The following SAXO1 variants were observed in gnomAD, a reference collection of about 807,000 sequenced individuals.
SAXO1 encodes the protein stabilizer of axonemal microtubules 1, also known as 4930500O09Rik.
In SAXO1, 21 loss-of-function variants were observed where a neutral mutation model predicts 17.5. The observed-to-expected ratio is 1.20, with a 90% CI of 0.85 to 1.72. The LOEUF (loss-of-function observed/expected upper bound fraction) is 1.72. SAXO1 is among the 40% of genes most tolerant of loss of function. The pLI is 0.00. For synonymous variants in SAXO1, 274 were observed against 216.5 expected, an observed-to-expected ratio of 1.27 and a Z score of -2.33; for missense variants, 843 against 596.0, an observed-to-expected ratio of 1.41 and a Z score of -4.32.
intron 3 of SAXO1, among the ~76,000 whole-genome samples, chr9:18,936,246 A>G (rs1831283437): frequency 6.6e-6 from 1 of 152,168 alleles, no homozygotes; most frequent in African/African-American, 2.4e-5. Flanking sequence ...CTTCATTTTA[A>G]TTGAAAATCT....
intron 1 of SAXO1, among the ~76,000 whole-genome samples, chr9:18,986,969 G>A (rs977067475): frequency 7.9e-5 from 12 of 152,200 alleles, no homozygotes; most frequent in African/African-American, 2.9e-4. Flanking sequence ...TGGGCTAGCT[G>A]TGTCCCAGAT....
At chr9:18,996,650 G>A (rs545898562) in intron 1 of SAXO1, among the ~76,000 whole-genome samples, 5 of 151,626 alleles carry the variant, frequency 3.3e-5, no homozygotes, top group South Asian at 2.1e-4. Flanking sequence ...ATCCTTTCTC[G>A]ACAAAAAAAA....
intron 1 of SAXO1, among the ~76,000 whole-genome samples, chr9:18,979,523 G>A (rs1833284566): frequency 6.6e-6 from 1 of 152,238 alleles, no homozygotes; most frequent in Admixed American, 6.5e-5. Flanking sequence ...TGGTGGGACA[G>A]TCCAGAGCCT....
chr9:18,943,153 G>C (rs1831643601), intron 2 of SAXO1, among the ~76,000 whole-genome samples: 1 of 152,234 alleles, frequency 6.6e-6, no homozygotes, highest in African/African-American at 2.4e-5. Flanking sequence ...ATGCTTAGTG[G>C]GATGGGAGAA....
At chr9:19,017,983 C>T (rs1385536035) in intron 1 of SAXO1, among the ~76,000 whole-genome samples, 2 of 152,078 alleles carry the variant, frequency 1.3e-5, no homozygotes, top group African/African-American at 4.8e-5. Context: ...CCCTGGGCAA[C>T]ATGGCAAAAT....
chr9:18,948,327 C>T (rs10116465), intron 2 of SAXO1, among the ~76,000 whole-genome samples: 11,310 of 152,164 alleles, frequency 0.074, 560 homozygotes, highest in African/African-American at 0.15. Context: ...CCCTTTACTT[C>T]TCTTTTTAGG....
At chr9:18,932,972 A>G (rs1373455132) in intron 3 of SAXO1, among the ~76,000 whole-genome samples, 1 of 152,178 alleles carries the variant, frequency 6.6e-6, no homozygotes, top group Non-Finnish European at 1.5e-5. Context: ...GAGAATAAAG[A>G]CAGCTTCGCA....
chr9:19,042,810 T>A (rs1052072361), intron 1 of SAXO1, among the ~76,000 whole-genome samples: 1 of 151,626 alleles, frequency 6.6e-6, no homozygotes, highest in Non-Finnish European at 1.5e-5. Flanking sequence ...TGTGTTGAGC[T>A]GAGATTACAC....
intron 1 of SAXO1, among the ~76,000 whole-genome samples, chr9:18,958,375 G>C (rs528058594): frequency 6.6e-6 from 1 of 152,144 alleles, no homozygotes; most frequent in Admixed American, 6.5e-5. Flanking sequence ...CCTGAGTCGA[G>C]ATAGCAACAC....
intron 1 of SAXO1, among the ~76,000 whole-genome samples, chr9:19,015,243 G>A (rs565929958): frequency 2.2e-4 from 34 of 152,200 alleles, no homozygotes; most frequent in South Asian, 1.5e-3. Context: ...ATGGCTTACC[G>A]CAGCCTCAAG....
chr9:19,048,885 A>C (rs1377970856), intron 1 of SAXO1, among the ~76,000 whole-genome samples: 1 of 152,190 alleles, frequency 6.6e-6, no homozygotes, highest in Non-Finnish European at 1.5e-5. Flanking sequence ...AATTAAAAGC[A>C]CCCACTGGAA....
chr9:19,008,760 GA>G (rs1834596284), intron 1 of SAXO1, among the ~76,000 whole-genome samples: 1 of 152,120 alleles, frequency 6.6e-6, no homozygotes, highest in African/African-American at 2.4e-5. Context: ...TAAGAAACAG[GA>G]CAAATCAGAA....
chr9:18,932,189 A>G (rs2131672598), intron 3 of SAXO1, among the ~76,000 whole-genome samples: 1 of 152,338 alleles, frequency 6.6e-6, no homozygotes, highest in South Asian at 2.1e-4. Flanking sequence ...TTTAGCTATT[A>G]CATTTAGGTT....
At chr9:19,007,726 C>A (rs1834542291) in intron 1 of SAXO1, among the ~76,000 whole-genome samples, 1 of 147,774 alleles carries the variant, frequency 6.8e-6, no homozygotes, top group South Asian at 2.1e-4. Context: ...ACCTGTTTTT[C>A]TACAGCTTAT....
chr9:18,931,740 T>TTTACTACTAAAAA, intron 3 of SAXO1, among the ~76,000 whole-genome samples: 1 of 152,336 alleles, frequency 6.6e-6, no homozygotes, highest in Admixed American at 6.5e-5. Flanking sequence ...AGTAGTATCT[T>TTTACTACTAAAAA]GCAGTGTCAT....
At chr9:19,027,569 GC>G in intron 1 of SAXO1, 1 of 1,362,708 alleles carries the variant, frequency 7.3e-7, no homozygotes, top group Non-Finnish European at 1.1e-6. Flanking sequence ...ACAGACTAAG[GC>G]CACCTTCCTA....
intron 1 of SAXO1, among the ~76,000 whole-genome samples, chr9:18,999,790 A>G (rs1834176414): frequency 6.8e-6 from 1 of 146,442 alleles, no homozygotes; most frequent in African/African-American, 2.5e-5. Context: ...CTGGAGAGTG[A>G]GGAGCACCTC....
chr9:18,987,795 G>C (rs563880090), intron 1 of SAXO1, among the ~76,000 whole-genome samples: 2 of 152,106 alleles, frequency 1.3e-5, no homozygotes, highest in East Asian at 3.9e-4. Flanking sequence ...TACTTGGAAG[G>C]CTGAGGTGAA....
intron 1 of SAXO1, chr9:19,027,467 A>C (rs567989459): frequency 1.3e-6 from 1 of 782,370 alleles, no homozygotes; most frequent in African/African-American, 1.7e-5. Context: ...ATGAACCACA[A>C]GGAGAAGTTT....
Sources: gnomAD v4.1 joint callset for allele counts (sites outside exome capture counted in the v4.1 genomes callset) on GRCh38, gnomAD v4.1.1 for gene constraint, MANE v1.5 for transcripts, NCBI Gene and HGNC (gene_info 2026-07-23, HGNC 2026-07-21) for gene names.